Variants in MEGF11 observed in about 807,000 individuals in gnomAD.
The protein encoded by MEGF11 is multiple EGF like domains 11, also known as multiple epidermal growth factor-like domains protein 11.
In MEGF11, 126 loss-of-function variants were observed where a neutral mutation model predicts 146.6. That is an observed-to-expected ratio of 0.86 (90% confidence interval 0.74 to 1.00). MEGF11 has a LOEUF of 1.00. Among genes scored for constraint, MEGF11 ranks in the 50% least tolerant of loss-of-function variants. MEGF11 has a pLI of 0.00. For missense variants in MEGF11, 1,509 were observed against 1,521.2 expected (o/e 0.99, Z 0.13); for synonymous variants, 532 against 583.4 (o/e 0.91, Z 1.27).
intron 1 of MEGF11, among the ~76,000 whole-genome samples, chr15:66,153,503 G>A (rs193126446): frequency 6.6e-6 from 1 of 152,206 alleles, no homozygotes; most frequent in East Asian, 1.9e-4. Flanking sequence ...AACCAGGGAG[G>A]CAGAGGTTGC....
At chr15:66,208,855 C>T (rs2091368529) in intron 1 of MEGF11, among the ~76,000 whole-genome samples, 2 of 151,716 alleles carry the variant, frequency 1.3e-5, no homozygotes, top group Admixed American at 6.6e-5. Flanking sequence ...CCAGCCTGGG[C>T]AACAAGAGTG....
intron 7 of MEGF11, among the ~76,000 whole-genome samples, chr15:65,971,700 G>A (rs536363544): frequency 2.6e-5 from 4 of 152,304 alleles, no homozygotes; most frequent in South Asian, 4.1e-4. Context: ...CAGTCAACAC[G>A]CCTGACATCT....
At chr15:65,926,841 A>G (rs2079388579) in intron 13 of MEGF11, among the ~76,000 whole-genome samples, 2 of 152,166 alleles carry the variant, frequency 1.3e-5, no homozygotes, top group South Asian at 4.1e-4. Flanking sequence ...ATTAAAGTTG[A>G]TTTCCACTTG....
At chr15:66,059,538 C>G (rs2084813374) in intron 5 of MEGF11, among the ~76,000 whole-genome samples, 1 of 152,162 alleles carries the variant, frequency 6.6e-6, no homozygotes, top group Admixed American at 6.5e-5. Context: ...CCTCATTACC[C>G]ATGTGCTTTT....
chr15:66,228,112 A>C (rs1198300806), intron 1 of MEGF11, among the ~76,000 whole-genome samples: 1 of 152,132 alleles, frequency 6.6e-6, no homozygotes. Context: ...AGGTCCTTTA[A>C]GTTTTAACCT....
At chr15:66,084,738 G>C (rs1270221997) in intron 5 of MEGF11, among the ~76,000 whole-genome samples, 1 of 152,208 alleles carries the variant, frequency 6.6e-6, no homozygotes, top group Non-Finnish European at 1.5e-5. Flanking sequence ...AAACTCCACA[G>C]AGAGAAGGAA....
intron 1 of MEGF11, among the ~76,000 whole-genome samples, chr15:66,250,541 A>G (rs1261383631): frequency 6.6e-6 from 1 of 152,232 alleles, no homozygotes; most frequent in Non-Finnish European, 1.5e-5. Context: ...GGAGCTCAGT[A>G]ACTATTTGCT....
At chr15:66,109,788 G>T (rs761542110) in intron 4 of MEGF11, among the ~76,000 whole-genome samples, 5 of 152,174 alleles carry the variant, frequency 3.3e-5, no homozygotes, top group African/African-American at 4.8e-5. Flanking sequence ...TCCATCCCTA[G>T]ATAAAGCTAG....
rs532936346 is a variant in MEGF11, at chr15:66,143,348, G to A, written c.-8-14937C>T. Reference sequence around the variant, plus strand: ...CCTCCGGTGGGGGCTAGGCCAGGCCGAGGCAGCCTGCGGACAGGGGATGAG... The same window carrying A: ...CCTCCGGTGGGGGCTAGGCCAGGCCAAGGCAGCCTGCGGACAGGGGATGAG... On this transcript the variant is annotated intron_variant, in intron 1 of 25. Coordinates refer to ENST00000395614, the MANE Select transcript of MEGF11 (RefSeq NM_001385028.1). Among the ~76,000 whole-genome samples the A allele has an allele frequency of 1.1e-4, 16 of 152,336 alleles. 1 individual carries two copies. The East Asian group carries it at 2.1e-3, about 20-fold the overall frequency.
intron 10 of MEGF11, among the ~76,000 whole-genome samples, chr15:65,939,534 GC>G (rs2079907516): frequency 7.2e-6 from 1 of 139,530 alleles, no homozygotes; most frequent in Non-Finnish European, 1.5e-5. Flanking sequence ...TCGCTCTGTC[GC>G]CCAGGCTGGA....
chr15:65,975,699 T>C (rs2081422514), intron 7 of MEGF11, among the ~76,000 whole-genome samples: 1 of 152,218 alleles, frequency 6.6e-6, no homozygotes, highest in Admixed American at 6.5e-5. Flanking sequence ...ATCTATAAAA[T>C]GGGAGTAGTA....
chr15:66,026,263 G>A (rs775608088), intron 5 of MEGF11, among the ~76,000 whole-genome samples: 11 of 152,350 alleles, frequency 7.2e-5, no homozygotes, highest in South Asian at 2.1e-4. Flanking sequence ...GAGGTGTGGC[G>A]AGGAGCCTGA....
intron 4 of MEGF11, among the ~76,000 whole-genome samples, chr15:66,099,474 C>T (rs62011845): frequency 0.049 from 7,468 of 152,188 alleles, 206 homozygotes; most frequent in Middle Eastern, 0.13. Flanking sequence ...TGTGAGCCAC[C>T]GCCCATCCTG....
chr15:66,123,840 G>A (rs2088179397), intron 3 of MEGF11, 59 bp downstream of exon 3: 1 of 1,429,326 alleles, frequency 7.0e-7, no homozygotes, highest in Admixed American at 1.7e-5. Flanking sequence ...CTTGCACAGA[G>A]GCAAGCCCTG....
In MEGF11 at chr15:65,982,704, G is replaced by A. The variant is rs747859918; in HGVS notation, c.395-216C>T. On this transcript the variant is annotated intron_variant, in intron 5 of 25. Transcript: ENST00000395614. The surrounding 1 kb of genome is among the most constrained non-coding windows in gnomAD (Gnocchi z 5.6). ...TCGCACAGGCTAAGAAGGGCAGAGC[G>A]TTTGTTTCCTCAAGGCAGCTTCAGA... is the stretch of plus-strand genomic sequence containing the variant. 5.9e-5 allele frequency among the ~76,000 whole-genome samples: 9 copies of A among 152,220 alleles called. No individual in the cohort carries two copies. The highest frequency in any genetic ancestry group is 1.0e-4 in the Non-Finnish European group (7 of 68,042).
intron 5 of MEGF11, among the ~76,000 whole-genome samples, chr15:66,050,556 G>T (rs1406005574): frequency 4.6e-5 from 7 of 152,304 alleles, no homozygotes; most frequent in African/African-American, 1.4e-4. Flanking sequence ...AGGATCACAC[G>T]GGGCCTTAGA....
At chr15:66,148,115 C>T (rs555315503) in intron 1 of MEGF11, among the ~76,000 whole-genome samples, 11 of 152,124 alleles carry the variant, frequency 7.2e-5, no homozygotes, top group South Asian at 6.2e-4. Context: ...AATGTGTACA[C>T]GCGTGCATGT....
At chr15:66,161,449 G>A (rs963988850) in intron 1 of MEGF11, among the ~76,000 whole-genome samples, 2 of 151,994 alleles carry the variant, frequency 1.3e-5, no homozygotes, top group African/African-American at 2.4e-5. Context: ...GCAGTGGTGT[G>A]ATCTCAGCTC....
At chr15:66,093,248 T>C (rs560029656) in intron 5 of MEGF11, among the ~76,000 whole-genome samples, 1 of 152,326 alleles carries the variant, frequency 6.6e-6, no homozygotes, top group Admixed American at 6.5e-5. Context: ...GGCCAGAATG[T>C]TCTCATGCAC....
Sources: gnomAD v4.1 joint callset for allele counts (sites outside exome capture counted in the v4.1 genomes callset) on GRCh38, gnomAD v4.1.1 for gene constraint, Gnocchi (gnomAD v3.1) non-coding constraint, MANE v1.5 for transcripts, NCBI Gene and HGNC (gene_info 2026-07-23, HGNC 2026-07-21) for gene names.